The following FAM110B variants were observed in gnomAD, a reference collection of about 807,000 sequenced individuals.
FAM110B encodes the protein family with sequence similarity 110 member B.
FAM110B carries 6 observed loss-of-function variants against 20.4 expected under a neutral mutation model. The ratio of observed to expected loss-of-function variants is 0.29; its 90% CI spans 0.16 to 0.58. The LOEUF (loss-of-function observed/expected upper bound fraction) is 0.58. Ranked by LOEUF, FAM110B falls within the 20% of genes least tolerant of loss-of-function variation. The pLI, the probability that FAM110B is intolerant of heterozygous loss-of-function variation, is 0.90. For missense variants in FAM110B, 434 were observed against 498.2 expected (o/e 0.87, Z 1.23); for synonymous variants, 226 against 214.1 (o/e 1.06, Z -0.49).
chr8:58,024,335 A>C (rs1804813707), intron 1 of FAM110B, among the ~76,000 whole-genome samples: 1 of 152,070 alleles, frequency 6.6e-6, no homozygotes. Flanking sequence ...ACTAGTTTGA[A>C]CCTCAGAGAG....
chr8:58,030,777 G>T (rs1804947895), intron 1 of FAM110B, among the ~76,000 whole-genome samples: 1 of 152,178 alleles, frequency 6.6e-6, no homozygotes, highest in South Asian at 2.1e-4. Context: ...AAAAGCAGAT[G>T]CTGGAGGAGA....
At chr8:58,068,243 C>T (rs1184808039) in intron 2 of FAM110B, among the ~76,000 whole-genome samples, 1 of 152,210 alleles carries the variant, frequency 6.6e-6, no homozygotes, top group Non-Finnish European at 1.5e-5. Flanking sequence ...GGTGATTGCA[C>T]TCTGATAATT....
intron 1 of FAM110B, among the ~76,000 whole-genome samples, chr8:58,002,198 G>A (rs989587530): frequency 6.6e-6 from 1 of 152,102 alleles, no homozygotes; most frequent in Non-Finnish European, 1.5e-5. Flanking sequence ...ACACCCACAG[G>A]TACAGCCAGA....
intron 1 of FAM110B, among the ~76,000 whole-genome samples, chr8:58,018,534 T>G (rs1804681287): frequency 6.6e-6 from 1 of 152,280 alleles, no homozygotes; most frequent in African/African-American, 2.4e-5. Context: ...TACAGTTAGA[T>G]AGTGCTTTTT....
intron 3 of FAM110B, among the ~76,000 whole-genome samples, chr8:58,105,754 T>C (rs975426785): frequency 1.8e-4 from 27 of 151,704 alleles, no homozygotes; most frequent in Admixed American, 1.8e-3. Flanking sequence ...ATTTTTTTAG[T>C]AGAGACAGGG....
At position 58,066,906 on chromosome 8, in the gene FAM110B, C is replaced by T. The variant is rs545661004; in HGVS notation, c.-413-8629C>T. On this transcript the variant is annotated intron_variant, in intron 2 of 3. Transcript: ENST00000519262. ...CAAACGCCGGTCCTTTAACATCAGCCGCAATAGCCCTACGTGCAGCCAAGC... is the reference window on the plus strand; with the variant it reads ...CAAACGCCGGTCCTTTAACATCAGCTGCAATAGCCCTACGTGCAGCCAAGC... 5.9e-5 allele frequency among the ~76,000 whole-genome samples: 9 copies of T among 152,280 alleles called. No homozygotes were observed. In the South Asian group the frequency reaches 1.9e-3, roughly 32 times the overall value.
chr8:58,093,938 T>C (rs1806552457), intron 3 of FAM110B, among the ~76,000 whole-genome samples: 1 of 152,234 alleles, frequency 6.6e-6, no homozygotes. Context: ...CAATGGTTCG[T>C]AGTTCTCCTT....
chr8:58,032,868 C>T (rs568136391), intron 2 of FAM110B, among the ~76,000 whole-genome samples: 1 of 152,280 alleles, frequency 6.6e-6, no homozygotes, highest in Admixed American at 6.5e-5. Flanking sequence ...GGTAAATCCA[C>T]TTCAATGTGG....
chr8:58,080,509 T>A (rs1040314619), intron 3 of FAM110B, among the ~76,000 whole-genome samples: 1 of 152,170 alleles, frequency 6.6e-6, no homozygotes, highest in African/African-American at 2.4e-5. Flanking sequence ...CTTTTCAACC[T>A]GTAAATCATG....
intron 3 of FAM110B, among the ~76,000 whole-genome samples, chr8:58,143,881 C>A (rs1006244818): frequency 6.6e-6 from 1 of 152,210 alleles, no homozygotes; most frequent in African/African-American, 2.4e-5. Context: ...TACAACTCAT[C>A]TTCAGAGAGC....
intron 3 of FAM110B, among the ~76,000 whole-genome samples, chr8:58,082,964 A>C (rs1333198241): frequency 6.6e-6 from 1 of 150,780 alleles, no homozygotes; most frequent in Non-Finnish European, 1.5e-5. Context: ...AGCTATGATC[A>C]TGCCACTGTG....
At chr8:58,099,297 C>T (rs1029661080) in intron 3 of FAM110B, among the ~76,000 whole-genome samples, 2 of 151,806 alleles carry the variant, frequency 1.3e-5, no homozygotes, top group African/African-American at 2.4e-5. Context: ...TGATGAGCAC[C>T]CAAATGCCGC....
chr8:58,007,390 C>T (rs903297005), intron 1 of FAM110B, among the ~76,000 whole-genome samples: 7 of 152,192 alleles, frequency 4.6e-5, no homozygotes, highest in Non-Finnish European at 1.0e-4. Flanking sequence ...GATGCAGCAT[C>T]AGTGGAACAA....
At chr8:58,015,976 A>G (rs1215633898) in intron 1 of FAM110B, among the ~76,000 whole-genome samples, 1 of 152,244 alleles carries the variant, frequency 6.6e-6, no homozygotes, top group African/African-American at 2.4e-5. Context: ...AACTATTCCT[A>G]ACTGTATCAT....
At chr8:58,094,518 T>C (rs781284124) in intron 3 of FAM110B, among the ~76,000 whole-genome samples, 113 of 152,368 alleles carry the variant, frequency 7.4e-4, no homozygotes, top group Non-Finnish European at 1.0e-3. Context: ...ATGTGGTTTT[T>C]GTCATTGGTT....
chr8:58,035,220 T>G (rs564846662), intron 2 of FAM110B, among the ~76,000 whole-genome samples: 137 of 152,324 alleles, frequency 9.0e-4, no homozygotes, highest in African/African-American at 3.2e-3. Flanking sequence ...TTATCATCCT[T>G]AAATGGGAAG....
chr8:58,018,273 A>G (rs1268898160), intron 1 of FAM110B, among the ~76,000 whole-genome samples: 1 of 152,122 alleles, frequency 6.6e-6, no homozygotes, highest in African/African-American at 2.4e-5. Context: ...TTGAAGTTCT[A>G]TAATTAGGTA....
At chr8:58,017,324 C>T (rs1277196154) in intron 1 of FAM110B, among the ~76,000 whole-genome samples, 1 of 152,190 alleles carries the variant, frequency 6.6e-6, no homozygotes, top group Non-Finnish European at 1.5e-5. Flanking sequence ...GTGATGTGGC[C>T]AGTGAGTAGC....
Position 58,147,390 on chromosome 8 carries a change from T to C in FAM110B, c.*47T>C. 1 of 1,568,316 alleles carries C rather than the reference T, an allele frequency of 6.4e-7. No individual in the cohort carries two copies. Among genetic ancestry groups the C allele is most frequent in the Non-Finnish European group, 8.7e-7 (1 of 1,156,040 alleles). On this transcript the variant is annotated 3_prime_UTR_variant, in exon 4 of 4. Coordinates refer to ENST00000519262, the MANE Select transcript of FAM110B (RefSeq NM_001377989.1). ...AGCGTGGGTCTCTGTGCTTACGCAG[T>C]TGTGAAGGTTGTGAGGTCTCCTTGA...
Sources: gnomAD v4.1 joint callset for allele counts (sites outside exome capture counted in the v4.1 genomes callset) on GRCh38, gnomAD v4.1.1 for gene constraint, MANE v1.5 for transcripts, NCBI Gene and HGNC (gene_info 2026-07-23, HGNC 2026-07-21) for gene names.